Variants in KCNQ5 observed in about 807,000 individuals in gnomAD.
The protein encoded by KCNQ5 is potassium voltage-gated channel subfamily KQT member 5.
In KCNQ5, 30 loss-of-function variants were observed where a neutral mutation model predicts 98.2. That is an observed-to-expected ratio of 0.31 (90% CI 0.23 to 0.41). KCNQ5 has a LOEUF of 0.41. KCNQ5 is among the 10% of genes least tolerant of loss of function. KCNQ5 has a pLI of 1.00. For synonymous variants in KCNQ5, 458 were observed against 449.4 expected (o/e 1.02, Z -0.24); for missense variants, 835 against 1,182.5 (o/e 0.71, Z 4.31).
At chr6:73,140,926 A>G (rs1308995785) in intron 10 of KCNQ5, among the ~76,000 whole-genome samples, 1 of 152,104 alleles carries the variant, frequency 6.6e-6, no homozygotes, top group Non-Finnish European at 1.5e-5. Flanking sequence ...TGTGTTTCAT[A>G]TGTACTCTTG....
Position 72,881,352 on chromosome 6 carries a change from T to G in KCNQ5, c.399-122556T>G, listed in dbSNP as rs528771862. 1.2e-4 allele frequency among the ~76,000 whole-genome samples: 18 copies of G among 152,340 alleles called. No homozygotes were observed. In the South Asian group the frequency reaches 1.9e-3, roughly 16 times the overall value. On this transcript the variant is annotated intron_variant, in intron 1 of 13. Coordinates refer to ENST00000370398, the MANE Select transcript of KCNQ5 (RefSeq NM_019842.4). The stretch of plus-strand genomic sequence containing the variant: ...AGAACAGAATTAGAGGTAATGGATT[T>G]CAATTTGGCCATAAATGGTTTTAAG...
chr6:72,988,113 T>G (rs544141169), intron 1 of KCNQ5, among the ~76,000 whole-genome samples: 68 of 152,194 alleles, frequency 4.5e-4, no homozygotes, highest in Non-Finnish European at 7.6e-4. Flanking sequence ...TGTTAAACAT[T>G]CCGTCCCTGT....
intron 11 of KCNQ5, among the ~76,000 whole-genome samples, chr6:73,185,699 T>C (rs1778546529): frequency 6.6e-6 from 1 of 152,182 alleles, no homozygotes. Flanking sequence ...ATATAGGATG[T>C]GCTTCTAGGA....
chr6:73,096,721 C>T (rs1774517643), intron 5 of KCNQ5, among the ~76,000 whole-genome samples: 1 of 152,188 alleles, frequency 6.6e-6, no homozygotes, highest in Admixed American at 6.5e-5. Flanking sequence ...TGCTAATTAA[C>T]ATATCCACCA....
At chr6:73,087,465 A>G (rs1774034286) in intron 5 of KCNQ5, among the ~76,000 whole-genome samples, 1 of 152,210 alleles carries the variant, frequency 6.6e-6, no homozygotes, top group African/African-American at 2.4e-5. Flanking sequence ...TGTGACATCT[A>G]AATGGAACTG....
At chr6:72,950,282 T>A (rs888428478) in intron 1 of KCNQ5, among the ~76,000 whole-genome samples, 1 of 152,220 alleles carries the variant, frequency 6.6e-6, no homozygotes, top group Non-Finnish European at 1.5e-5. Flanking sequence ...GCAGCCAATC[T>A]TGGTAAACAA....
At chr6:73,088,023 C>CTCTCTT (rs1554206943) in intron 5 of KCNQ5, among the ~76,000 whole-genome samples, 1 of 133,358 alleles carries the variant, frequency 7.5e-6, no homozygotes, top group Non-Finnish European at 1.5e-5. Flanking sequence ...CTCTCTCTCT[C>CTCTCTT]TTTTTTTTTT....
At chr6:72,657,622 G>T (rs1280947625) in intron 1 of KCNQ5, among the ~76,000 whole-genome samples, 1 of 152,166 alleles carries the variant, frequency 6.6e-6, no homozygotes. Context: ...ATGCTCAGAA[G>T]TTTACTCAGA....
chr6:72,702,555 A>G (rs1021780289), intron 1 of KCNQ5, among the ~76,000 whole-genome samples: 1 of 152,228 alleles, frequency 6.6e-6, no homozygotes, highest in Non-Finnish European at 1.5e-5. Flanking sequence ...TTAAGGAACA[A>G]AAGCTCCCTT....
chr6:72,850,295 T>A (rs933500442), intron 1 of KCNQ5, among the ~76,000 whole-genome samples: 2 of 152,208 alleles, frequency 1.3e-5, no homozygotes, highest in African/African-American at 4.8e-5. Flanking sequence ...TAAAGTAGTT[T>A]ACTTATCTGA....
At chr6:73,132,899 C>T (rs117008158) in intron 9 of KCNQ5, among the ~76,000 whole-genome samples, 1,744 of 152,230 alleles carry the variant, frequency 0.011, 19 homozygotes, top group Non-Finnish European at 0.016. Context: ...TGTGGTGCTA[C>T]CAACTGCTAT....
chr6:72,816,860 C>T (rs1000675316), intron 1 of KCNQ5, among the ~76,000 whole-genome samples: 3 of 152,118 alleles, frequency 2.0e-5, no homozygotes, highest in Non-Finnish European at 4.4e-5. Flanking sequence ...CAAGAGCACT[C>T]CTCAAGGTGG....
intron 1 of KCNQ5, among the ~76,000 whole-genome samples, chr6:72,668,959 G>A (rs867782055): frequency 2.0e-5 from 3 of 151,822 alleles, no homozygotes; most frequent in Non-Finnish European, 4.4e-5. Flanking sequence ...TACTTATTGG[G>A]GATATGGACT....
intron 3 of KCNQ5, among the ~76,000 whole-genome samples, chr6:73,063,891 G>A (rs983635121): frequency 1.3e-5 from 2 of 152,102 alleles, no homozygotes; most frequent in African/African-American, 4.8e-5. Flanking sequence ...TTCACAGGAG[G>A]AAAAGTCTAT....
chr6:73,088,023 C>CTT (rs35354592), intron 5 of KCNQ5, among the ~76,000 whole-genome samples: 87,574 of 133,214 alleles, frequency 0.66, 31,761 homozygotes, highest in South Asian at 0.84. Context: ...CTCTCTCTCT[C>CTT]TTTTTTTTTT....
intron 5 of KCNQ5, among the ~76,000 whole-genome samples, chr6:73,099,902 GA>G (rs1774689315): frequency 6.6e-6 from 1 of 152,146 alleles, no homozygotes; most frequent in African/African-American, 2.4e-5. Context: ...TAAACACATG[GA>G]TTATTCTCAA....
At chr6:72,740,165 C>CT (rs1476504546) in intron 1 of KCNQ5, among the ~76,000 whole-genome samples, 20 of 152,194 alleles carry the variant, frequency 1.3e-4, no homozygotes, top group Non-Finnish European at 2.2e-4. Context: ...CAGAGAGCTA[C>CT]TGTCATTTTT....
intron 2 of KCNQ5, among the ~76,000 whole-genome samples, chr6:73,040,748 C>G (rs1344020438): frequency 6.6e-6 from 1 of 152,126 alleles, no homozygotes; most frequent in Admixed American, 6.5e-5. Context: ...TGATATAGCT[C>G]TACTAGGCAT....
intron 2 of KCNQ5, among the ~76,000 whole-genome samples, chr6:73,019,639 C>A (rs534567943): frequency 6.6e-6 from 1 of 152,232 alleles, no homozygotes; most frequent in South Asian, 2.1e-4. Flanking sequence ...TTAAAGAAAT[C>A]TTTAAGCTTT....
Sources: gnomAD v4.1 joint callset for allele counts (sites outside exome capture counted in the v4.1 genomes callset) on GRCh38, gnomAD v4.1.1 for gene constraint, MANE v1.5 for transcripts, NCBI Gene and HGNC (gene_info 2026-07-23, HGNC 2026-07-21) for gene names.